SPRYD4: variants seen among roughly 807,000 people sequenced by gnomAD.
SPRYD4 encodes SPRY domain-containing protein 4.
A neutral mutation model predicts 16.6 loss-of-function variants in SPRYD4; 12 were observed. The ratio of observed to expected loss-of-function variants is 0.72; its 90% confidence interval spans 0.46 to 1.17. The LOEUF (loss-of-function observed/expected upper bound fraction) is 1.17, where lower values mean the gene tolerates loss of function less well. Among genes scored for constraint, SPRYD4 ranks in the 50% most tolerant of loss-of-function variants. The probability of loss-of-function intolerance (pLI) is 0.00; values close to 1 mark genes in which losing one functional copy is unlikely to be tolerated. For missense variants in SPRYD4, 260 were observed against 260.2 expected, an observed-to-expected ratio of 1.00 and a Z score of 0.00; for synonymous variants, 98 against 105.4, an observed-to-expected ratio of 0.93 and a Z score of 0.43.
intron 1 of SPRYD4, 138 bp from the exon 2 acceptor site, chr12:56,468,901 C>A: frequency 2.5e-6 from 3 of 1,207,368 alleles, no homozygotes; most frequent in Non-Finnish European, 3.4e-6. Flanking sequence ...AGCGACCTCG[C>A]GACTCTCTTG....
In SPRYD4 at chr12:56,468,680, G is replaced by C; in HGVS notation, c.85+4G>C. 1 of 1,612,246 alleles carries C rather than the reference G, an allele frequency of 6.2e-7. No homozygotes were observed. Among genetic ancestry groups the C allele is most frequent in the Non-Finnish European group, 8.5e-7 (1 of 1,178,336 alleles). ...GCCTCCACAGAGGCCCAGAGAGGTA[G>C]GATTATCTCTTTTTACTCTTTTACC... On this transcript the variant is annotated splice_donor_region_variant and intron_variant, in intron 1 of 1. Coordinates refer to ENST00000338146, the MANE Select transcript of SPRYD4 (RefSeq NM_207344.4).
chr12:56,477,783 C>T lies in SPRYD4; in HGVS notation c.*8206C>T. 6.4e-7 allele frequency: 1 copy of T among 1,567,466 alleles called. No homozygotes were observed. The highest frequency in any genetic ancestry group is 8.7e-7 in the Non-Finnish European group (1 of 1,149,994). ...CAAAGCCTCCCTGACAGCCCGCTCA[C>T]TTTGTGGGTTAGACAAGAAAGACTG... On this transcript the variant is annotated 3_prime_UTR_variant, in exon 2 of 2. Coordinates refer to ENST00000338146, the MANE Select transcript of SPRYD4 (RefSeq NM_207344.4).
rs1029867797 is a variant in SPRYD4 at position 56,473,112 on chromosome 12, A to G, written c.*3535A>G. 13 of 910,198 alleles carry G rather than the reference A, an allele frequency of 1.4e-5. No homozygotes were observed. Among genetic ancestry groups the G allele is most frequent in the South Asian group, 1.2e-4 (8 of 64,206 alleles). The allele number at this position is 910,198 out of a possible 1,614,324, so 56.4% of individuals were successfully genotyped here. On this transcript the variant is annotated 3_prime_UTR_variant, in exon 2 of 2. Coordinates refer to ENST00000338146, the MANE Select transcript of SPRYD4 (RefSeq NM_207344.4). ...CACCGTGTTAGCCAGGATGGTCTTG[A>G]TCTCCTGACCTTGTGATCCGCCCGC... is the stretch of plus-strand genomic sequence containing the variant.
chr12:56,475,169 GA>G lies in SPRYD4; in HGVS notation c.*5597del. The G allele has an allele frequency of 6.2e-7, 1 of 1,610,370 alleles. No individual in the cohort carries two copies. Among genetic ancestry groups the G allele is most frequent in the South Asian group, 1.1e-5 (1 of 91,078 alleles). Reference sequence around the variant, plus strand: ...GGAGGAGTGGGTGTTGGGAGAAGGGGAAAAATTACCTTCCCTGGAGAGACAG... The same window carrying G: ...GGAGGAGTGGGTGTTGGGAGAAGGGGAAAATTACCTTCCCTGGAGAGACAG... On this transcript the variant is annotated 3_prime_UTR_variant, in exon 2 of 2. Transcript: ENST00000338146.
In SPRYD4 at chr12:56,477,443, A is replaced by C; in HGVS notation, c.*7866A>C. The C allele has an allele frequency of 2.1e-6, 1 of 478,284 alleles. No homozygotes were observed. The highest frequency in any genetic ancestry group is 3.8e-6 in the Non-Finnish European group (1 of 266,582). The allele number at this position is 478,284 out of a possible 1,614,324, so 29.6% of individuals were successfully genotyped here. A position where few individuals can be genotyped will look rare whatever the true frequency, so the allele number is the denominator to read the frequency against. ...TCTAGACTCATGGGTGGGGGCAGGGAACAGTACTGAGTGGGGATGACGGAG... is the reference window on the plus strand; with the variant it reads ...TCTAGACTCATGGGTGGGGGCAGGGCACAGTACTGAGTGGGGATGACGGAG... On this transcript the variant is annotated 3_prime_UTR_variant, in exon 2 of 2. Transcript: ENST00000338146.
rs769606204 is a variant in SPRYD4, at chr12:56,469,409, G to A, written c.456G>A (p.Gly152=). ...GTATTGGGCAGCCAGAGAAGGTGGG[G>A]CTGTTGCTGGAGTATGAGGCCCAGA... ...VEGIGQPEKV[G]LLLEYEAQKL... is the part of the protein sequence containing the mutation. The change falls in exon 2 of 2, where the codon GGG becomes GGA. Residue 152 remains glycine (G), a synonymous_variant. Coordinates refer to ENST00000338146, the MANE Select transcript of SPRYD4 (RefSeq NM_207344.4). 6.2e-7 allele frequency: 1 copy of A among 1,614,118 alleles called. No individual in the cohort carries two copies.
chr12:56,468,751 G>A, intron 1 of SPRYD4, 75 bp downstream of exon 1: 1 of 1,496,610 alleles, frequency 6.7e-7, no homozygotes, highest in Non-Finnish European at 9.3e-7. Context: ...ACTCCGAGAA[G>A]CAACTCCAAC....
At position 56,477,918 on chromosome 12, in the gene SPRYD4, C is replaced by T; in HGVS notation, c.*8341C>T. 1 of 1,609,402 alleles carries T rather than the reference C, an allele frequency of 6.2e-7. No homozygotes were observed. Among genetic ancestry groups the T allele is most frequent in the Non-Finnish European group, 8.5e-7 (1 of 1,177,426 alleles). ...GGACAGCTGTAAGTACGGTCTGAGC[C>T]TTGGTAGTGCTCACCTTCCTCATTG... On this transcript the variant is annotated 3_prime_UTR_variant, in exon 2 of 2. Transcript: ENST00000338146.
chr12:56,474,979 C>A lies in SPRYD4; in HGVS notation c.*5402C>A. ...CAGGGTCTCAGCTGAAGCCCCCAAC[C>A]CCTACTGCCCTTCCACTAGCAGCAG... On this transcript the variant is annotated 3_prime_UTR_variant, in exon 2 of 2. Coordinates refer to ENST00000338146, the MANE Select transcript of SPRYD4 (RefSeq NM_207344.4). 6.2e-7 allele frequency: 1 copy of A among 1,613,780 alleles called. No individual in the cohort carries two copies. Among genetic ancestry groups the A allele is most frequent in the Non-Finnish European group, 8.5e-7 (1 of 1,179,904 alleles).
At position 56,468,679 on chromosome 12, in the gene SPRYD4, A is replaced by G; in HGVS notation, c.85+3A>G. 1 of 1,613,196 alleles carries G rather than the reference A, an allele frequency of 6.2e-7. No individual in the cohort carries two copies. The highest frequency in any genetic ancestry group is 8.5e-7 in the Non-Finnish European group (1 of 1,179,148). On this transcript the variant is annotated splice_donor_region_variant and intron_variant, in intron 1 of 1. Coordinates refer to ENST00000338146, the MANE Select transcript of SPRYD4 (RefSeq NM_207344.4). ...TGCCTCCACAGAGGCCCAGAGAGGT[A>G]GGATTATCTCTTTTTACTCTTTTAC...
At position 56,473,690 on chromosome 12, in the gene SPRYD4, T is replaced by A. The variant is rs1869520786; in HGVS notation, c.*4113T>A. 6.9e-7 allele frequency: 1 copy of A among 1,445,844 alleles called. No homozygotes were observed. The highest frequency in any genetic ancestry group is 2.4e-5 in the Admixed American group (1 of 41,482). 89.6% of individuals were successfully genotyped at this position (1,445,844 alleles called of 1,614,324 possible). Reference sequence around the variant, plus strand: ...TACTCTTAACAAGTTTACAAATGACTGCATGACCACAATCCACCTCAACCT... The same window carrying A: ...TACTCTTAACAAGTTTACAAATGACAGCATGACCACAATCCACCTCAACCT... On this transcript the variant is annotated 3_prime_UTR_variant, in exon 2 of 2. Transcript: ENST00000338146.
At position 56,471,272 on chromosome 12, in the gene SPRYD4, G is replaced by C. The variant is rs2638315; in HGVS notation, c.*1695G>C. The C allele has an allele frequency of 0.17, 88,966 of 533,762 alleles. 8,150 individuals carry two copies. Among genetic ancestry groups the C allele is most frequent in the Middle Eastern group, 0.22 (458 of 2,066 alleles). 33.1% of individuals were successfully genotyped at this position (533,762 alleles called of 1,614,324 possible). A position where few individuals can be genotyped will look rare whatever the true frequency, so the allele number is the denominator to read the frequency against. On this transcript the variant is annotated 3_prime_UTR_variant, in exon 2 of 2. Transcript: ENST00000338146. ...TGAAGCCCAGTCTCTCTGGATAGCT[G>C]TACTGCAGGTGTCCTCTGAGGCCCT...
Position 56,474,351 on chromosome 12 carries a change from A to T in SPRYD4, c.*4774A>T. 2 of 670,218 alleles carry T rather than the reference A, an allele frequency of 3.0e-6. No homozygotes were observed. Among genetic ancestry groups the T allele is most frequent in the Non-Finnish European group, 5.0e-6 (2 of 403,394 alleles). 41.5% of individuals were successfully genotyped at this position (670,218 alleles called of 1,614,324 possible). On this transcript the variant is annotated 3_prime_UTR_variant, in exon 2 of 2. Transcript: ENST00000338146. ...TGATCCACCTGCCTCGGCCTCCCAAAGACATCTCTTTATATATTCGAGGAA... is the reference window on the plus strand; with the variant it reads ...TGATCCACCTGCCTCGGCCTCCCAATGACATCTCTTTATATATTCGAGGAA...
In SPRYD4 at chr12:56,473,402, G is replaced by C. The variant is rs1869490362; in HGVS notation, c.*3825G>C. 1.2e-6 allele frequency: 2 copies of C among 1,603,656 alleles called. No homozygotes were observed. The highest frequency in any genetic ancestry group is 1.7e-6 in the Non-Finnish European group (2 of 1,173,850). On this transcript the variant is annotated 3_prime_UTR_variant, in exon 2 of 2. Transcript: ENST00000338146. ...AAAATTGCTTTATTATAGTAAAAGT[G>C]GTACCATTAAACAAATTTATTGCTT...
chr12:56,470,482 G>A lies in SPRYD4; in HGVS notation c.*905G>A, dbSNP rs1300989317. ...TAGGATTACAGGTGTGTGCCACCATGCCCGTCTCATTTTTATATTTTTAGT... is the reference window on the plus strand; with the variant it reads ...TAGGATTACAGGTGTGTGCCACCATACCCGTCTCATTTTTATATTTTTAGT... On this transcript the variant is annotated 3_prime_UTR_variant, in exon 2 of 2. Coordinates refer to ENST00000338146, the MANE Select transcript of SPRYD4 (RefSeq NM_207344.4). 1 of 152,100 alleles carries A rather than the reference G, an allele frequency of 6.6e-6. No individual in the cohort carries two copies. Among genetic ancestry groups the A allele is most frequent in the Non-Finnish European group, 1.5e-5 (1 of 68,064 alleles). The allele number at this position is 152,100 out of a possible 1,614,324, so 9.4% of individuals were successfully genotyped here.
In SPRYD4 at chr12:56,476,162, T is replaced by C. The variant is rs895639526; in HGVS notation, c.*6585T>C. 1 of 512,230 alleles carries C rather than the reference T, an allele frequency of 2.0e-6. No individual in the cohort carries two copies. The highest frequency in any genetic ancestry group is 4.4e-5 in the Admixed American group (1 of 22,736). 31.7% of individuals were successfully genotyped at this position (512,230 alleles called of 1,614,324 possible). On this transcript the variant is annotated 3_prime_UTR_variant, in exon 2 of 2. Coordinates refer to ENST00000338146, the MANE Select transcript of SPRYD4 (RefSeq NM_207344.4). ...ACTTCCATTGGCTCCTCTCTTTCTC[T>C]TTCTTTTTTTTGAGACAGTCTTGCT...
At position 56,474,774 on chromosome 12, in the gene SPRYD4, T is replaced by C; in HGVS notation, c.*5197T>C. Reference sequence around the variant, plus strand: ...TGACGTGAACCTGCACATGGGACCCTCGGGTGTAGGGAAAGGGCAAGGGCA... The same window carrying C: ...TGACGTGAACCTGCACATGGGACCCCCGGGTGTAGGGAAAGGGCAAGGGCA... On this transcript the variant is annotated 3_prime_UTR_variant, in exon 2 of 2. Transcript: ENST00000338146. 1.2e-6 allele frequency: 2 copies of C among 1,612,510 alleles called. No individual in the cohort carries two copies. The highest frequency in any genetic ancestry group is 3.3e-5 in the Admixed American group (2 of 59,938).
Position 56,472,116 on chromosome 12 carries a change from T to G in SPRYD4, c.*2539T>G. 1 of 1,614,082 alleles carries G rather than the reference T, an allele frequency of 6.2e-7. No individual in the cohort carries two copies. Among genetic ancestry groups the G allele is most frequent in the South Asian group, 1.1e-5 (1 of 91,074 alleles). On this transcript the variant is annotated 3_prime_UTR_variant, in exon 2 of 2. Transcript: ENST00000338146. ...CCTCCTCCCCTCCTTAACCCTTCAG[T>G]ACCTTCAGCTGCAGCAACATGCAGA... is the stretch of plus-strand genomic sequence containing the variant.
In SPRYD4 at chr12:56,471,867, G is replaced by A; in HGVS notation, c.*2290G>A. The A allele has an allele frequency of 6.2e-7, 1 of 1,608,416 alleles. No homozygotes were observed. Among genetic ancestry groups the A allele is most frequent in the East Asian group, 2.2e-5 (1 of 44,860 alleles). ...AATATGGGCAGAAGGAAAATGAGAA[G>A]GCGCAGGTCTTGAACCCTTTGGTGC... On this transcript the variant is annotated 3_prime_UTR_variant, in exon 2 of 2. Coordinates refer to ENST00000338146, the MANE Select transcript of SPRYD4 (RefSeq NM_207344.4).
Sources: gnomAD v4.1 joint callset for allele counts on GRCh38, gnomAD v4.1.1 for gene constraint, MANE v1.5 for transcripts, NCBI Gene and HGNC (gene_info 2026-07-23, HGNC 2026-07-21) for gene names.